The following GPR173 variants were observed in gnomAD, a reference collection of about 807,000 sequenced individuals.
The protein encoded by GPR173 is G protein-coupled receptor 173.
A neutral mutation model predicts 13.9 loss-of-function variants in GPR173; 2 were observed. The observed-to-expected ratio is 0.14, with a 90% CI of 0.06 to 0.45. The LOEUF is 0.45. Among genes scored for constraint, GPR173 ranks in the 20% least tolerant of loss-of-function variants. The pLI is 0.98. For missense variants in GPR173, 202 were observed against 340.5 expected (o/e 0.59, Z 3.20); for synonymous variants, 131 against 141.0 (o/e 0.93, Z 0.50).
At chrX:53,053,739 G>A (rs781928364) in intron 1 of GPR173, among the ~76,000 whole-genome samples, 83 of 112,803 alleles carry the variant, frequency 7.4e-4, no homozygotes, top group African/African-American at 2.3e-3. Flanking sequence ...GGTGCCCTGC[G>A]AGACTATGTC....
rs1556806479 is a variant in GPR173 at position 53,080,251 on chromosome X, T to TG, written c.*2512dup. On this transcript the variant is annotated 3_prime_UTR_variant, in exon 2 of 2. Coordinates refer to ENST00000332582, the MANE Select transcript of GPR173 (RefSeq NM_018969.6). ...ACCAAATTTAGAGGGAGGGATGTCA[T>TG]GGGGAAAAAAAACCCAAGCCCAGGA... 2 of 121,387 alleles carry TG rather than the reference T, an allele frequency of 1.6e-5. No individual in the cohort carries two copies. Among genetic ancestry groups the TG allele is most frequent in the Non-Finnish European group, 3.8e-5 (2 of 52,775 alleles). 10.0% of individuals were successfully genotyped at this position (121,387 alleles called of 1,213,427 possible). A position where few individuals can be genotyped will look rare whatever the true frequency, so the allele number is the denominator to read the frequency against.
At chrX:53,069,440 T>G (rs1420624618) in intron 1 of GPR173, among the ~76,000 whole-genome samples, 3 of 112,200 alleles carry the variant, frequency 2.7e-5, no homozygotes, top group African/African-American at 9.7e-5. Context: ...TTGCACATGG[T>G]TGCTCTGGAG....
At chrX:53,059,666 C>A (rs1186804169) in intron 1 of GPR173, among the ~76,000 whole-genome samples, 1 of 108,290 alleles carries the variant, frequency 9.2e-6, no homozygotes, top group Non-Finnish European at 1.9e-5. Context: ...GTGGTGTGCA[C>A]CTATAGTCCC....
chrX:53,062,525 C>A (rs995142097), intron 1 of GPR173, among the ~76,000 whole-genome samples: 2 of 101,499 alleles, frequency 2.0e-5, no homozygotes, highest in African/African-American at 7.2e-5. Context: ...TAACTGGTCC[C>A]AAGTAAGTCC....
chrX:53,073,281 TGGAAAACCATGCAGA>T (rs1484888277), intron 1 of GPR173, among the ~76,000 whole-genome samples: 1 of 107,983 alleles, frequency 9.3e-6, no homozygotes, highest in African/African-American at 3.4e-5. Context: ...TGGATTGAGC[TGGAAAACCATGCAGA>T]GGGGAGACTT....
chrX:53,073,405 C>T (rs782707797), intron 1 of GPR173, among the ~76,000 whole-genome samples: 1 of 110,305 alleles, frequency 9.1e-6, no homozygotes, highest in South Asian at 3.8e-4. Flanking sequence ...AGTTTCTGCC[C>T]AATTGCCTCA....
intron 1 of GPR173, among the ~76,000 whole-genome samples, chrX:53,052,596 C>CAT (rs1931973433): frequency 9.9e-6 from 1 of 101,518 alleles, no homozygotes; most frequent in East Asian, 3.0e-4. Context: ...TCTGTCCACA[C>CAT]ACACACGTGT....
intron 1 of GPR173, among the ~76,000 whole-genome samples, chrX:53,073,126 G>A (rs894516840): frequency 3.7e-5 from 4 of 109,077 alleles, no homozygotes; most frequent in Non-Finnish European, 7.6e-5. Context: ...TCGGGAGGCT[G>A]AGGCACAAGA....
intron 1 of GPR173, among the ~76,000 whole-genome samples, chrX:53,054,461 G>A (rs782380629): frequency 1.9e-5 from 2 of 108,066 alleles, no homozygotes; most frequent in South Asian, 8.4e-4. Flanking sequence ...CCCAGATCAT[G>A]CCACTGCACT....
chrX:53,065,579 G>A (rs1290195698), intron 1 of GPR173: 1 of 111,981 alleles, frequency 8.9e-6, no homozygotes, highest in Non-Finnish European at 1.9e-5. Flanking sequence ...TGAAATAGCT[G>A]CGTGATCTTT....
intron 1 of GPR173, among the ~76,000 whole-genome samples, chrX:53,075,414 C>T (rs1356311500): frequency 9.7e-6 from 1 of 103,178 alleles, no homozygotes; most frequent in Non-Finnish European, 2.0e-5. Flanking sequence ...ATCTGACATA[C>T]TATACTTCAC....
chrX:53,074,918 C>T (rs1196803633), intron 1 of GPR173, among the ~76,000 whole-genome samples: 4 of 103,494 alleles, frequency 3.9e-5, no homozygotes, highest in African/African-American at 1.4e-4. Flanking sequence ...GAGTAGTCTC[C>T]CTACTTTTAA....
chrX:53,052,241 T>G (rs1556802768), intron 1 of GPR173, among the ~76,000 whole-genome samples: 3 of 111,224 alleles, frequency 2.7e-5, no homozygotes, highest in African/African-American at 6.6e-5. Flanking sequence ...TGGCTGTGTG[T>G]GGGGGTGTAT....
At chrX:53,052,834 A>C (rs1426865598) in intron 1 of GPR173, among the ~76,000 whole-genome samples, 4 of 102,825 alleles carry the variant, frequency 3.9e-5, no homozygotes, top group Non-Finnish European at 7.8e-5. Context: ...AAGTGTGTTT[A>C]AGTGTGTGTG....
At chrX:53,071,200 C>G (rs781916592) in intron 1 of GPR173, 11 of 112,369 alleles carry the variant, frequency 9.8e-5, no homozygotes, top group Non-Finnish European at 2.1e-4. Flanking sequence ...GTCTCGAACT[C>G]CGTGCCTCAG....
In GPR173 at chrX:53,067,596, C is replaced by T. The variant is rs782512782; in HGVS notation, c.-97-8929C>T. On this transcript the variant is annotated intron_variant, in intron 1 of 1. Transcript: ENST00000332582. ...ATCCCAGCACTTTGGGAGGTCGAGG[C>T]GGGCGGATCACGAGGTCAGGAGATC... is the stretch of plus-strand genomic sequence containing the variant. Among the ~76,000 whole-genome samples, 14 of 111,499 alleles carry T rather than the reference C, an allele frequency of 1.3e-4. No homozygotes were observed. In the South Asian group the frequency reaches 1.8e-3, roughly 15 times the overall value.
rs1457746058 is a variant in GPR173, at chrX:53,049,169, G to C, written c.-413G>C. On this transcript the variant is annotated 5_prime_UTR_variant, in exon 1 of 2. Coordinates refer to ENST00000332582, the MANE Select transcript of GPR173 (RefSeq NM_018969.6). ...CAGCTTGGCAGTGGCATGAAGATGGGAGTGGGAGTGTATAGTGGAGGAAGC... is the reference window on the plus strand; with the variant it reads ...CAGCTTGGCAGTGGCATGAAGATGGCAGTGGGAGTGTATAGTGGAGGAAGC... 1 of 111,182 alleles carries C rather than the reference G, an allele frequency of 9.0e-6. No homozygotes were observed. Among genetic ancestry groups the C allele is most frequent in the Non-Finnish European group, 1.9e-5 (1 of 52,978 alleles). 9.2% of individuals were successfully genotyped at this position (111,182 alleles called of 1,213,427 possible).
chrX:53,074,329 A>G (rs1354336975), intron 1 of GPR173, among the ~76,000 whole-genome samples: 1 of 30,723 alleles, frequency 3.3e-5, no homozygotes, highest in Non-Finnish European at 5.4e-5. Context: ...TTTATATATA[A>G]ATGTATATTT....
chrX:53,067,157 T>C (rs969342525), intron 1 of GPR173, among the ~76,000 whole-genome samples: 7 of 112,100 alleles, frequency 6.2e-5, no homozygotes, highest in African/African-American at 2.3e-4. Context: ...ACCTTTCTGA[T>C]TGAACATCTA....
Sources: allele counts gnomAD v4.1 joint callset (sites outside exome capture counted in the v4.1 genomes callset), GRCh38; gene constraint gnomAD v4.1.1; transcripts MANE v1.5; gene names NCBI Gene and HGNC (gene_info 2026-07-23, HGNC 2026-07-21).